Variants in SOD2 observed in about 807,000 individuals in gnomAD.
The protein encoded by SOD2 is superoxide dismutase 2.
In SOD2, 11 loss-of-function variants were observed where a neutral mutation model predicts 27.0. The observed-to-expected ratio is 0.41, with a 90% CI of 0.26 to 0.67. The LOEUF is 0.67. Among genes scored for constraint, SOD2 ranks in the 30% least tolerant of loss-of-function variants. The probability of loss-of-function intolerance (pLI) is 0.34; values close to 1 mark genes in which losing one functional copy is unlikely to be tolerated. For synonymous variants in SOD2, 105 were observed against 103.0 expected (o/e 1.02, Z -0.12); for missense variants, 250 against 274.5 (o/e 0.91, Z 0.63).
rs184197488 is a variant in SOD2, at chr6:159,682,180, C to T, written c.*313G>A. 50 of 182,640 alleles carry T rather than the reference C, an allele frequency of 2.7e-4. No homozygotes were observed. The highest frequency in any genetic ancestry group is 4.4e-4 in the Non-Finnish European group (39 of 88,292). 11.3% of individuals were successfully genotyped at this position (182,640 alleles called of 1,614,324 possible). ...CTGCAATAGAATAGGACTAGAAAGG[C>T]ATCCCTACAAGTCCCCAAAGTATAT... On this transcript the variant is annotated 3_prime_UTR_variant, in exon 5 of 5. Transcript: ENST00000538183.
intron 1 of SOD2, among the ~76,000 whole-genome samples, chr6:159,718,525 G>A (rs1452297024): frequency 6.6e-6 from 1 of 152,140 alleles, no homozygotes; most frequent in Non-Finnish European, 1.5e-5. Flanking sequence ...TTTGTGGTCT[G>A]CAGAGAAAAT....
rs1014657905 is a variant in SOD2, at chr6:159,674,480, A to G, written c.*8013T>C. On this transcript the variant is annotated 3_prime_UTR_variant, in exon 5 of 5. Transcript: ENST00000538183. ...TAAAAGTAATCCAGCATATAAACAGAACCAAAGACAAAAACCACATGATTA... is the reference window on the plus strand; with the variant it reads ...TAAAAGTAATCCAGCATATAAACAGGACCAAAGACAAAAACCACATGATTA... 6.6e-6 allele frequency: 1 copy of G among 152,234 alleles called. No individual in the cohort carries two copies. The highest frequency in any genetic ancestry group is 1.5e-5 in the Non-Finnish European group (1 of 68,044). 9.4% of individuals were successfully genotyped at this position (152,234 alleles called of 1,614,324 possible). A position where few individuals can be genotyped will look rare whatever the true frequency, so the allele number is the denominator to read the frequency against.
At chr6:159,696,650 G>A (rs1777426229), upstream of SOD2, among the ~76,000 whole-genome samples, 1 of 152,100 alleles carries the variant, frequency 6.6e-6, no homozygotes, top group Non-Finnish European at 1.5e-5. Flanking sequence ...ATCCTTTGTG[G>A]TAGATTCATC....
upstream of SOD2, chr6:159,749,000 A>G: frequency 9.8e-7 from 1 of 1,023,474 alleles, no homozygotes; most frequent in Non-Finnish European, 1.2e-6. This position sits in a 1 kb window ranked among gnomAD's most constrained non-coding sequence, Gnocchi z 5.6. Flanking sequence ...AGAGAATCAA[A>G]TAATAGATGT....
At chr6:159,695,181 T>C (rs990204555), upstream of SOD2, among the ~76,000 whole-genome samples, 10 of 152,156 alleles carry the variant, frequency 6.6e-5, no homozygotes, top group African/African-American at 2.2e-4. Flanking sequence ...CAGAGACAGA[T>C]CAGTCATTGT....
rs1779607733 is a variant in SOD2, at chr6:159,669,299, T to G, written c.*13194A>C. ...CAGCTATTAGAGTGTTCTGCACCTA[T>G]TAGAATGTTCTGTAAATGTCAGGTC... On this transcript the variant is annotated 3_prime_UTR_variant, in exon 5 of 5. Transcript: ENST00000538183. The G allele has an allele frequency of 6.6e-6, 1 of 152,226 alleles. No homozygotes were observed. Among genetic ancestry groups the G allele is most frequent in the African/African-American group, 2.4e-5 (1 of 41,468 alleles). The allele number at this position is 152,226 out of a possible 1,614,324, so 9.4% of individuals were successfully genotyped here. A position where few individuals can be genotyped will look rare whatever the true frequency, so the allele number is the denominator to read the frequency against.
At chr6:159,758,652 G>A (rs1458380915) in intron 1 of SOD2, among the ~76,000 whole-genome samples, 1 of 152,128 alleles carries the variant, frequency 6.6e-6, no homozygotes, top group Admixed American at 6.5e-5. Context: ...TAACTGATCT[G>A]GACCCATCAT....
At chr6:159,751,450 A>G (rs1779817208) in intron 1 of SOD2, among the ~76,000 whole-genome samples, 1 of 152,236 alleles carries the variant, frequency 6.6e-6, no homozygotes, top group Admixed American at 6.5e-5. Context: ...CATAGGCAGT[A>G]AAGTGGAAGG....
chr6:159,730,480 C>T (rs991225486), upstream of SOD2, among the ~76,000 whole-genome samples: 29 of 152,040 alleles, frequency 1.9e-4, no homozygotes, highest in Non-Finnish European at 3.7e-4. Context: ...CCAAACTTCT[C>T]GGTACATTCG....
At chr6:159,692,620 T>G in intron 2 of SOD2, 41 bp downstream of exon 2, 2 of 1,607,790 alleles carry the variant, frequency 1.2e-6, no homozygotes, top group Non-Finnish European at 1.7e-6. Context: ...TGGGGTCGCC[T>G]CTGCCGGGGA....
At chr6:159,751,304 A>T (rs1434447064) in intron 1 of SOD2, among the ~76,000 whole-genome samples, 1 of 152,184 alleles carries the variant, frequency 6.6e-6, no homozygotes, top group African/African-American at 2.4e-5. Context: ...TGACATTTTT[A>T]TATGGGGTTA....
intron 4 of SOD2, among the ~76,000 whole-genome samples, chr6:159,684,477 C>T (rs1358259046): frequency 6.6e-6 from 1 of 151,912 alleles, no homozygotes; most frequent in Non-Finnish European, 1.5e-5. Flanking sequence ...ATTAGCTGGG[C>T]ATGGTGGTAT....
intron 1 of SOD2, chr6:159,714,019 G>A (rs1434333465): frequency 2.5e-5 from 18 of 710,154 alleles, no homozygotes; most frequent in Non-Finnish European, 4.3e-5. Flanking sequence ...TGGCAAGTTT[G>A]GCGGAATGCA....
chr6:159,733,906 AACTCCATCTCCAAAAAAAAAGATT>A (rs999962370), intron 1 of SOD2, among the ~76,000 whole-genome samples: 2 of 152,196 alleles, frequency 1.3e-5, no homozygotes, highest in Non-Finnish European at 1.5e-5. Flanking sequence ...ACAAGAGCGA[AACTCCATCTCCAAAAAAAAAGATT>A]AAACAGAGAA....
rs1171980150 is a variant in SOD2, at chr6:159,678,136, C to T, written c.*4357G>A. On this transcript the variant is annotated 3_prime_UTR_variant, in exon 5 of 5. Coordinates refer to ENST00000538183, the MANE Select transcript of SOD2 (RefSeq NM_000636.4). ...GGGGTCCAGATGAGCTTCTGGGTAG[C>T]TGATGACGTGGAGAGAGCATGAAAG... 6.6e-6 allele frequency: 1 copy of T among 152,226 alleles called. No individual in the cohort carries two copies. The highest frequency in any genetic ancestry group is 1.5e-5 in the Non-Finnish European group (1 of 68,064). The allele number at this position is 152,226 out of a possible 1,614,324, so 9.4% of individuals were successfully genotyped here. A position where few individuals can be genotyped will look rare whatever the true frequency, so the allele number is the denominator to read the frequency against.
At chr6:159,685,165 C>G (rs536788664) in intron 3 of SOD2, 132 bp from the exon 4 acceptor site, 8 of 437,164 alleles carry the variant, frequency 1.8e-5, no homozygotes, top group Non-Finnish European at 3.1e-5. Context: ...GAATGCGACA[C>G]CTGGATCTAA....
At chr6:159,740,389 T>G (rs1779180822) in intron 1 of SOD2, among the ~76,000 whole-genome samples, 1 of 152,226 alleles carries the variant, frequency 6.6e-6, no homozygotes, top group African/African-American at 2.4e-5. Flanking sequence ...TGTAAGACTT[T>G]TAGGCGAGTT....
chr6:159,692,439 G>A (rs1235017465), intron 2 of SOD2: 46 of 1,402,772 alleles, frequency 3.3e-5, no homozygotes, highest in Non-Finnish European at 3.9e-5. Flanking sequence ...AGGACCCCAA[G>A]TTCCCTGAGA....
chr6:159,711,648 A>ATAACCACCTCC (rs1777773140), intron 1 of SOD2, among the ~76,000 whole-genome samples: 1 of 33,424 alleles, frequency 3.0e-5, no homozygotes, highest in African/African-American at 1.2e-4. Flanking sequence ...AACCACCTCC[A>ATAACCACCTCC]ATACCACCAC....
Sources: allele counts gnomAD v4.1 joint callset (sites outside exome capture counted in the v4.1 genomes callset), GRCh38; gene constraint gnomAD v4.1.1; non-coding constraint Gnocchi (gnomAD v3.1); transcripts MANE v1.5; gene names NCBI Gene and HGNC (gene_info 2026-07-23, HGNC 2026-07-21).